BRI3BP: variants seen among roughly 807,000 people sequenced by gnomAD.
BRI3BP encodes the protein BRI3 binding protein, also known as BRI3-binding protein.
A neutral mutation model predicts 15.8 loss-of-function variants in BRI3BP; 7 were observed. That is an observed-to-expected ratio of 0.44 (90% CI 0.25 to 0.83). BRI3BP has a LOEUF of 0.83. Ranked by LOEUF, BRI3BP falls within the 40% of genes least tolerant of loss-of-function variation. The pLI, the probability that BRI3BP is intolerant of heterozygous loss-of-function variation, is 0.20. For missense variants in BRI3BP, 320 were observed against 339.3 expected (o/e 0.94, Z 0.45); for synonymous variants, 192 against 163.5 (o/e 1.17, Z -1.33).
At chr12:125,043,654 C>T in the BRI3BP span, among the ~76,000 whole-genome samples, 8 of 151,692 alleles carry the variant, frequency 5.3e-5, no homozygotes, top group Non-Finnish European at 5.9e-5. Flanking sequence ...GTCAGGAGTT[C>T]GAGACCAGCC....
Position 125,026,101 on chromosome 12 carries a change from C to T in BRI3BP, c.*671C>T, listed in dbSNP as rs970067152. 1 of 152,138 alleles carries T rather than the reference C, an allele frequency of 6.6e-6. No homozygotes were observed. Among genetic ancestry groups the T allele is most frequent in the Non-Finnish European group, 1.5e-5 (1 of 68,034 alleles). 9.4% of individuals were successfully genotyped at this position (152,138 alleles called of 1,614,324 possible). ...TCCTATTTTTAAATGAAGACATCGCCATTTCTAGAAGACCTGAGATTTTCT... is the reference window on the plus strand; with the variant it reads ...TCCTATTTTTAAATGAAGACATCGCTATTTCTAGAAGACCTGAGATTTTCT... On this transcript the variant is annotated 3_prime_UTR_variant, in exon 3 of 3. Transcript: ENST00000341446.
intron 1 of BRI3BP, among the ~76,000 whole-genome samples, chr12:125,003,932 G>A (rs915859183): frequency 6.0e-5 from 9 of 150,566 alleles, no homozygotes; most frequent in Admixed American, 2.0e-4. Flanking sequence ...CAGCTTGGGC[G>A]ACAGAGCGAG....
intron 2 of BRI3BP, among the ~76,000 whole-genome samples, chr12:125,018,391 G>A (rs1955265549): frequency 6.6e-6 from 1 of 152,158 alleles, no homozygotes; most frequent in Admixed American, 6.6e-5. Context: ...GTTAAGATGA[G>A]GTCATACTGG....
rs1393589535 is a variant in BRI3BP at position 125,025,726 on chromosome 12, G to A, written c.*296G>A. The A allele has an allele frequency of 3.5e-6, 1 of 289,812 alleles. No homozygotes were observed. The highest frequency in any genetic ancestry group is 6.4e-6 in the Non-Finnish European group (1 of 157,306). 18.0% of individuals were successfully genotyped at this position (289,812 alleles called of 1,614,324 possible). A position where few individuals can be genotyped will look rare whatever the true frequency, so the allele number is the denominator to read the frequency against. ...AGTAAGAGAAATTTATCTGTGCATAGAGCATAAAGTTAATTTTTTCAAGCA... is the reference window on the plus strand; with the variant it reads ...AGTAAGAGAAATTTATCTGTGCATAAAGCATAAAGTTAATTTTTTCAAGCA... On this transcript the variant is annotated 3_prime_UTR_variant, in exon 3 of 3. Transcript: ENST00000341446.
At chr12:124,994,667 T>C (rs116343372) in intron 1 of BRI3BP, among the ~76,000 whole-genome samples, 3,631 of 152,222 alleles carry the variant, frequency 0.024, 126 homozygotes, top group African/African-American at 0.082. Context: ...CGCAGGGGGT[T>C]TTCCCCAATT....
At chr12:125,036,044 A>G (rs1469335631), downstream of BRI3BP, among the ~76,000 whole-genome samples, 1 of 119,126 alleles carries the variant, frequency 8.4e-6, no homozygotes. Context: ...TGAGTAATCT[A>G]TAGTTTTTTT....
chr12:125,047,329 T>C, the BRI3BP span, among the ~76,000 whole-genome samples: 1 of 151,974 alleles, frequency 6.6e-6, no homozygotes, highest in Non-Finnish European at 1.5e-5. Context: ...TTTGTATTTT[T>C]AGTACAAAAA....
chr12:125,007,386 C>T (rs1285217014), intron 1 of BRI3BP, among the ~76,000 whole-genome samples: 1 of 152,042 alleles, frequency 6.6e-6, no homozygotes, highest in Admixed American at 6.6e-5. Flanking sequence ...CCTGTCTCTA[C>T]TATTTTACAA....
chr12:125,045,611 C>A, the BRI3BP span, among the ~76,000 whole-genome samples: 1 of 152,172 alleles, frequency 6.6e-6, no homozygotes, highest in African/African-American at 2.4e-5. Context: ...GGATTACAGG[C>A]GTGAACCGCC....
intron 1 of BRI3BP, among the ~76,000 whole-genome samples, chr12:125,004,755 T>G (rs1157560084): frequency 6.6e-6 from 1 of 152,140 alleles, no homozygotes; most frequent in Non-Finnish European, 1.5e-5. Context: ...CCACCCGATA[T>G]TTGGTCCTCA....
intron 1 of BRI3BP, among the ~76,000 whole-genome samples, chr12:124,998,265 C>T (rs1012871274): frequency 2.0e-5 from 3 of 152,028 alleles, no homozygotes; most frequent in Non-Finnish European, 4.4e-5. Context: ...GCACTCAAGC[C>T]GGGGGAACAG....
chr12:124,994,087 C>T, intron 1 of BRI3BP, 84 bp downstream of exon 1: 1 of 965,458 alleles, frequency 1.0e-6, no homozygotes, highest in Middle Eastern at 4.3e-4. Flanking sequence ...AGGAGCGCGG[C>T]CTCCGGGGCT....
Position 124,993,811 on chromosome 12 carries a change from C to G in BRI3BP, c.21C>G (p.Gly7=). 3 of 1,092,328 alleles carry G rather than the reference C, an allele frequency of 2.7e-6. No individual in the cohort carries two copies. The South Asian group carries it at 1.2e-4, about 45-fold the overall frequency. The allele number at this position is 1,092,328 out of a possible 1,614,324, so 67.7% of individuals were successfully genotyped here. The change falls in exon 1 of 3, where the codon GGC becomes GGG. Residue 7 remains glycine, a synonymous_variant. Transcript: ENST00000341446. ...CGAGCATGGGCGCGCGCGCCTCAGGCGGGCCCCTGGCCCGGGCCGGGCTCC... is the reference window on the plus strand; with the variant it reads ...CGAGCATGGGCGCGCGCGCCTCAGGGGGGCCCCTGGCCCGGGCCGGGCTCC... The part of the protein sequence containing the change: MGARAS[G]GPLARAGLLL...
At chr12:125,003,209 GGTAAA>G (rs1204352236) in intron 1 of BRI3BP, among the ~76,000 whole-genome samples, 3 of 152,206 alleles carry the variant, frequency 2.0e-5, no homozygotes, top group African/African-American at 7.2e-5. Context: ...GGGTGATGGA[GGTAAA>G]GCGAGATTAG....
At chr12:125,004,211 CA>C (rs1417854348) in intron 1 of BRI3BP, among the ~76,000 whole-genome samples, 5 of 152,100 alleles carry the variant, frequency 3.3e-5, no homozygotes, top group Non-Finnish European at 7.3e-5. Context: ...CTTGCTTTGT[CA>C]CCCAGACTGG....
chr12:125,050,979 GC>G, the BRI3BP span, among the ~76,000 whole-genome samples: 16 of 152,312 alleles, frequency 1.1e-4, no homozygotes, highest in Admixed American at 9.2e-4. Context: ...TTCTCCAGAA[GC>G]CTGGCTACTG....
chr12:125,032,139 C>G (rs1454970775), downstream of BRI3BP, among the ~76,000 whole-genome samples: 1 of 152,088 alleles, frequency 6.6e-6, no homozygotes, highest in Non-Finnish European at 1.5e-5. Context: ...AGGGGCAGCT[C>G]ATTTGAATAA....
chr12:124,995,342 G>A (rs984593105), intron 1 of BRI3BP, among the ~76,000 whole-genome samples: 14 of 152,290 alleles, frequency 9.2e-5, no homozygotes, highest in African/African-American at 3.1e-4. Flanking sequence ...AGTGCAGGGA[G>A]TCTCACTTAC....
the BRI3BP span, among the ~76,000 whole-genome samples, chr12:125,043,886 G>A: frequency 1.3e-5 from 2 of 151,920 alleles, no homozygotes; most frequent in East Asian, 1.9e-4. Flanking sequence ...TTAGCCAGGC[G>A]TGATGGTGCA....
Sources: allele counts gnomAD v4.1 joint callset (sites outside exome capture counted in the v4.1 genomes callset), GRCh38; gene constraint gnomAD v4.1.1; transcripts MANE v1.5; gene names NCBI Gene and HGNC (gene_info 2026-07-23, HGNC 2026-07-21).